Variants in FNDC3A observed in about 807,000 individuals in gnomAD.
FNDC3A encodes fibronectin type-III domain-containing protein 3A.
FNDC3A carries 32 observed loss-of-function variants against 148.9 expected under a neutral mutation model. The observed-to-expected ratio is 0.21, with a 90% confidence interval of 0.16 to 0.29. The LOEUF is 0.29. FNDC3A is among the 10% of genes least tolerant of loss of function. The probability of loss-of-function intolerance (pLI) is 1.00; values close to 1 mark genes in which losing one functional copy is unlikely to be tolerated. For missense variants in FNDC3A, 1,191 were observed against 1,452.8 expected (o/e 0.82, Z 2.93); for synonymous variants, 472 against 473.6 (o/e 1.00, Z 0.04).
chr13:49,174,372 T>G, intron 11 of FNDC3A, 63 bp from the exon 12 acceptor site: 1 of 1,370,612 alleles, frequency 7.3e-7, no homozygotes. Context: ...AAGAAGGAAT[T>G]GATGCGAATT....
chr13:49,047,471 T>G (rs1875506304), intron 2 of FNDC3A, among the ~76,000 whole-genome samples: 1 of 152,142 alleles, frequency 6.6e-6, no homozygotes, highest in Non-Finnish European at 1.5e-5. Flanking sequence ...ATTTTTTGAT[T>G]TTTTTGTTAT....
chr13:49,044,975 TG>T, intron 2 of FNDC3A: 1 of 319,070 alleles, frequency 3.1e-6, no homozygotes, highest in South Asian at 2.9e-5. Flanking sequence ...TTTTCACAAA[TG>T]GGGATATCTG....
intron 3 of FNDC3A, chr13:49,110,499 A>T (rs1285616882): frequency 1.5e-5 from 13 of 850,524 alleles, no homozygotes; most frequent in Non-Finnish European, 2.4e-5. Flanking sequence ...TTAAAAATAG[A>T]TGCTAAATAT....
intron 2 of FNDC3A, among the ~76,000 whole-genome samples, chr13:49,068,819 A>G (rs1400614712): frequency 6.6e-6 from 1 of 152,180 alleles, no homozygotes; most frequent in Non-Finnish European, 1.5e-5. Context: ...AACAAATACA[A>G]CATGTTCTTA....
At chr13:49,164,665 G>T (rs1884356638) in intron 8 of FNDC3A, among the ~76,000 whole-genome samples, 1 of 151,424 alleles carries the variant, frequency 6.6e-6, no homozygotes, top group Admixed American at 6.6e-5. Context: ...CTGGAGTGCT[G>T]TGGCATGAAC....
intron 2 of FNDC3A, among the ~76,000 whole-genome samples, chr13:49,014,134 A>G (rs1354257896): frequency 7.2e-6 from 1 of 138,260 alleles, no homozygotes; most frequent in African/African-American, 2.7e-5. Flanking sequence ...GGCTGGGTCA[A>G]ATGGTATTTC....
intron 23 of FNDC3A, chr13:49,201,085 C>T (rs1217507965): frequency 9.2e-6 from 2 of 216,892 alleles, no homozygotes; most frequent in African/African-American, 2.3e-5. Context: ...AGACTGTTAG[C>T]ATTGAATAAG....
intron 6 of FNDC3A, among the ~76,000 whole-genome samples, chr13:49,137,075 T>G (rs1404748658): frequency 6.7e-6 from 1 of 149,500 alleles, no homozygotes; most frequent in African/African-American, 2.4e-5. Flanking sequence ...AGTCCTCCCA[T>G]CTTGGCCTCT....
intron 2 of FNDC3A, among the ~76,000 whole-genome samples, chr13:49,068,467 C>A (rs1877419185): frequency 6.6e-6 from 1 of 152,060 alleles, no homozygotes; most frequent in Non-Finnish European, 1.5e-5. Flanking sequence ...GTGAATCAAC[C>A]ATTGTGGAAT....
intron 3 of FNDC3A, among the ~76,000 whole-genome samples, chr13:49,084,181 G>A (rs1024856331): frequency 2.6e-5 from 4 of 152,144 alleles, no homozygotes; most frequent in Admixed American, 6.5e-5. Flanking sequence ...CAATAATGCC[G>A]TCTTTATTTT....
intron 8 of FNDC3A, among the ~76,000 whole-genome samples, chr13:49,156,619 T>C (rs1339101591): frequency 6.6e-6 from 1 of 151,584 alleles, no homozygotes; most frequent in African/African-American, 2.4e-5. Flanking sequence ...CTATTCTCGA[T>C]GGTCTTTACA....
chr13:49,190,150 C>T (rs761054649), intron 17 of FNDC3A, among the ~76,000 whole-genome samples: 46 of 151,984 alleles, frequency 3.0e-4, no homozygotes, highest in South Asian at 1.9e-3. Context: ...CCTCCCAAAG[C>T]GCTGGGATTA....
chr13:49,193,570 A>G (rs1885999881), intron 19 of FNDC3A, among the ~76,000 whole-genome samples: 1 of 152,060 alleles, frequency 6.6e-6, no homozygotes, highest in Non-Finnish European at 1.5e-5. Context: ...CCTTTTATAT[A>G]TACTTATTAT....
chr13:49,031,448 G>A (rs1874113467), intron 2 of FNDC3A, among the ~76,000 whole-genome samples: 1 of 152,022 alleles, frequency 6.6e-6, no homozygotes, highest in South Asian at 2.1e-4. Flanking sequence ...GCCTAAGAAT[G>A]GAATAGAATT....
rs192008406 is a variant in FNDC3A at position 49,123,104 on chromosome 13, A to T, written c.253-8033A>T. 4.6e-5 allele frequency among the ~76,000 whole-genome samples: 7 copies of T among 152,340 alleles called. No homozygotes were observed. The East Asian group carries it at 1.3e-3, about 29-fold the overall frequency. On this transcript the variant is annotated intron_variant, in intron 4 of 25. Coordinates refer to ENST00000492622, the MANE Select transcript of FNDC3A (RefSeq NM_001079673.2). Reference sequence around the variant, plus strand: ...GCTGCCTGACTTCAAACTATACTACAAATCTACAGTAACCAAAACAGCAAG... The same window carrying T: ...GCTGCCTGACTTCAAACTATACTACTAATCTACAGTAACCAAAACAGCAAG...
chr13:49,105,085 T>G (rs1381554491), intron 3 of FNDC3A, among the ~76,000 whole-genome samples: 1 of 152,146 alleles, frequency 6.6e-6, no homozygotes, highest in Non-Finnish European at 1.5e-5. Context: ...TCCCAATCTA[T>G]TTTTTAAAAA....
chr13:49,162,952 G>A (rs1278654656), intron 8 of FNDC3A, among the ~76,000 whole-genome samples: 3 of 152,152 alleles, frequency 2.0e-5, no homozygotes, highest in Non-Finnish European at 4.4e-5. Flanking sequence ...CTGCAGAACA[G>A]CAAATATTGC....
intron 4 of FNDC3A, among the ~76,000 whole-genome samples, chr13:49,124,154 T>C (rs1881542743): frequency 6.6e-6 from 1 of 152,142 alleles, no homozygotes; most frequent in Admixed American, 6.5e-5. Context: ...TGGAATAGTG[T>C]GCAGCCATAA....
intron 14 of FNDC3A, among the ~76,000 whole-genome samples, chr13:49,180,336 G>C: frequency 6.6e-6 from 1 of 152,138 alleles, no homozygotes; most frequent in East Asian, 1.9e-4. Flanking sequence ...ATTACTTCTT[G>C]AGAATCTTAA....
Sources: allele counts gnomAD v4.1 joint callset (sites outside exome capture counted in the v4.1 genomes callset), GRCh38; gene constraint gnomAD v4.1.1; transcripts MANE v1.5; gene names NCBI Gene and HGNC (gene_info 2026-07-23, HGNC 2026-07-21).